The following STX8 variants were observed in gnomAD, a reference collection of about 807,000 sequenced individuals.
STX8 encodes syntaxin-8.
A neutral mutation model predicts 37.5 loss-of-function variants in STX8; 23 were observed. The observed-to-expected ratio is 0.61, with a 90% confidence interval of 0.44 to 0.87. The LOEUF is 0.87. Ranked by LOEUF, STX8 falls within the 40% of genes least tolerant of loss-of-function variation. STX8 has a pLI of 0.00. For synonymous variants in STX8, 115 were observed against 99.1 expected, an observed-to-expected ratio of 1.16 and a Z score of -0.95; for missense variants, 313 against 284.7, an observed-to-expected ratio of 1.10 and a Z score of -0.71.
intron 7 of STX8, among the ~76,000 whole-genome samples, chr17:9,292,076 A>G (rs1908330003): frequency 6.6e-6 from 1 of 152,244 alleles, no homozygotes. Context: ...CCAGACCAGG[A>G]CTAGAGCTAA....
chr17:9,295,740 C>T (rs1316427092), intron 7 of STX8, among the ~76,000 whole-genome samples: 1 of 151,250 alleles, frequency 6.6e-6, no homozygotes, highest in Admixed American at 6.6e-5. Context: ...AGATTCCGTC[C>T]CCCCTCCCCC....
At chr17:9,472,577 T>C (rs1190400568) in intron 6 of STX8, among the ~76,000 whole-genome samples, 2 of 152,234 alleles carry the variant, frequency 1.3e-5, no homozygotes, top group African/African-American at 4.8e-5. Flanking sequence ...GCATCTGTGA[T>C]TACTTTGGCT....
chr17:9,411,120 A>G (rs556268529), intron 6 of STX8, among the ~76,000 whole-genome samples: 171 of 152,354 alleles, frequency 1.1e-3, no homozygotes, highest in Admixed American at 1.7e-3. Flanking sequence ...ATTTTCCTCC[A>G]ATAAATCTAC....
intron 6 of STX8, among the ~76,000 whole-genome samples, chr17:9,389,580 C>T (rs940875242): frequency 6.6e-6 from 1 of 152,094 alleles, no homozygotes; most frequent in Admixed American, 6.6e-5. Context: ...TCCAATAATA[C>T]TTCATCATTT....
intron 6 of STX8, among the ~76,000 whole-genome samples, chr17:9,481,479 C>T (rs372199350): frequency 2.0e-5 from 3 of 152,232 alleles, no homozygotes; most frequent in East Asian, 1.9e-4. Context: ...ATAGCCATTA[C>T]GTTACACAGC....
chr17:9,570,205 G>GT (rs531693822), intron 1 of STX8, among the ~76,000 whole-genome samples: 14 of 150,960 alleles, frequency 9.3e-5, no homozygotes, highest in Admixed American at 3.3e-4. Flanking sequence ...CTTGATAAGT[G>GT]TTTTTTTTTA....
At chr17:9,486,120 G>A (rs935592393) in intron 6 of STX8, among the ~76,000 whole-genome samples, 15 of 152,266 alleles carry the variant, frequency 9.9e-5, no homozygotes, top group Non-Finnish European at 8.8e-5. Flanking sequence ...ATCAAGAATC[G>A]TGATAATGAA....
chr17:9,514,907 G>C (rs1463865805), intron 4 of STX8, among the ~76,000 whole-genome samples: 1 of 152,114 alleles, frequency 6.6e-6, no homozygotes, highest in East Asian at 1.9e-4. Context: ...CCACAATATG[G>C]AGTGAACAGC....
intron 5 of STX8, among the ~76,000 whole-genome samples, chr17:9,503,021 G>T (rs1428458262): frequency 1.4e-5 from 2 of 141,798 alleles, no homozygotes; most frequent in African/African-American, 2.6e-5. Flanking sequence ...CAGGAGAATT[G>T]CTTGAACCCA....
rs1322775250 is a variant in STX8 at position 9,412,303 on chromosome 17, G to T, written c.542-33650C>A. The stretch of plus-strand genomic sequence containing the variant: ...GCAATTTTTTTTTTTTTTTGAGACG[G>T]AGTTTTGCTCTTGTTGCCCAGGCTG... On this transcript the variant is annotated intron_variant, in intron 6 of 7. Transcript: ENST00000306357. 5.3e-5 allele frequency among the ~76,000 whole-genome samples: 8 copies of T among 150,220 alleles called. No individual in the cohort carries two copies. In the South Asian group the frequency reaches 1.7e-3, roughly 31 times the overall value.
chr17:9,530,440 T>C (rs1905772127), intron 4 of STX8, among the ~76,000 whole-genome samples: 1 of 152,222 alleles, frequency 6.6e-6, no homozygotes, highest in African/African-American at 2.4e-5. Flanking sequence ...CAATTTACAG[T>C]CCCAGCAGTA....
chr17:9,366,773 C>T (rs960565406), intron 7 of STX8, among the ~76,000 whole-genome samples: 23 of 152,258 alleles, frequency 1.5e-4, no homozygotes, highest in African/African-American at 5.5e-4. Flanking sequence ...TTGAGCCCTC[C>T]ATGAGGTCAG....
chr17:9,416,466 T>C (rs1310280187), intron 6 of STX8, among the ~76,000 whole-genome samples: 1 of 152,030 alleles, frequency 6.6e-6, no homozygotes, highest in Non-Finnish European at 1.5e-5. Context: ...ACCTCCCAGG[T>C]TCAAGCAATT....
chr17:9,381,433 A>G (rs1447071107), intron 6 of STX8, among the ~76,000 whole-genome samples: 1 of 152,160 alleles, frequency 6.6e-6, no homozygotes, highest in African/African-American at 2.4e-5. Flanking sequence ...AAAAAGCAGG[A>G]AAAAGGCAAC....
At chr17:9,420,539 T>G (rs542521097) in intron 6 of STX8, among the ~76,000 whole-genome samples, 1 of 152,156 alleles carries the variant, frequency 6.6e-6, no homozygotes, top group South Asian at 2.1e-4. Context: ...TTCTGGCCTG[T>G]TTCTCAGTCC....
intron 4 of STX8, among the ~76,000 whole-genome samples, chr17:9,519,486 C>T (rs141196783): frequency 3.9e-4 from 60 of 152,254 alleles, no homozygotes; most frequent in Non-Finnish European, 6.9e-4. Context: ...CTCAGACACC[C>T]ATCACCTCTC....
At chr17:9,425,099 A>C (rs2142357513) in intron 6 of STX8, among the ~76,000 whole-genome samples, 1 of 152,318 alleles carries the variant, frequency 6.6e-6, no homozygotes, top group South Asian at 2.1e-4. Context: ...ACAGTTTCTG[A>C]CTAAGAAAAA....
At chr17:9,412,850 T>G (rs1049404098) in intron 6 of STX8, among the ~76,000 whole-genome samples, 1 of 152,110 alleles carries the variant, frequency 6.6e-6, no homozygotes, top group Non-Finnish European at 1.5e-5. Flanking sequence ...AAAAATAGGT[T>G]GAGAACTGCT....
chr17:9,428,301 C>T (rs926737456), intron 6 of STX8, among the ~76,000 whole-genome samples: 7 of 152,176 alleles, frequency 4.6e-5, no homozygotes, highest in Non-Finnish European at 8.8e-5. Context: ...TGGGCAGTGG[C>T]GCGATCTCGG....
Sources: allele counts gnomAD v4.1 joint callset (sites outside exome capture counted in the v4.1 genomes callset), GRCh38; gene constraint gnomAD v4.1.1; transcripts MANE v1.5; gene names NCBI Gene and HGNC (gene_info 2026-07-23, HGNC 2026-07-21).